CRACDL: variants seen among roughly 807,000 people sequenced by gnomAD.
CRACDL encodes CRACD-like protein.
Under a neutral mutation model 70.6 loss-of-function variants are expected in CRACDL, and 26 were observed. That is an observed-to-expected ratio of 0.37 (90% CI 0.27 to 0.51). The LOEUF is 0.51. Ranked by LOEUF, CRACDL falls within the 20% of genes least tolerant of loss-of-function variation. CRACDL has a pLI of 0.94. For synonymous variants in CRACDL, 618 were observed against 615.2 expected (o/e 1.00, Z -0.07); for missense variants, 1,283 against 1,376.9 (o/e 0.93, Z 1.08).
intron 8 of CRACDL, among the ~76,000 whole-genome samples, chr2:98,796,802 T>C (rs1703841850): frequency 6.6e-6 from 1 of 152,152 alleles, no homozygotes; most frequent in South Asian, 2.1e-4. Flanking sequence ...TCGGCCTGAT[T>C]CTAGGCATAG....
intron 1 of CRACDL, among the ~76,000 whole-genome samples, chr2:98,929,603 A>C (rs1049554227): frequency 6.6e-6 from 1 of 152,086 alleles, no homozygotes; most frequent in Non-Finnish European, 1.5e-5. Context: ...ACAGACCCAC[A>C]CCTGGTCCCA....
intron 1 of CRACDL, among the ~76,000 whole-genome samples, chr2:98,900,838 G>A (rs531291169): frequency 1.5e-4 from 23 of 152,150 alleles, no homozygotes; most frequent in South Asian, 1.2e-3. Context: ...CCACAGCCTC[G>A]TTGGGCAGAG....
intron 1 of CRACDL, among the ~76,000 whole-genome samples, chr2:98,889,697 T>A (rs1253601088): frequency 6.6e-6 from 1 of 152,220 alleles, no homozygotes; most frequent in Non-Finnish European, 1.5e-5. Flanking sequence ...CATCCAGTAA[T>A]AGCAGAATTC....
At chr2:98,888,286 T>C (rs763580857) in intron 1 of CRACDL, among the ~76,000 whole-genome samples, 2 of 152,252 alleles carry the variant, frequency 1.3e-5, no homozygotes, top group Non-Finnish European at 2.9e-5. Context: ...TTTTTCCTTC[T>C]AATTTAAAAG....
At chr2:98,907,395 T>C (rs1264162679) in intron 1 of CRACDL, among the ~76,000 whole-genome samples, 1 of 152,214 alleles carries the variant, frequency 6.6e-6, no homozygotes, top group African/African-American at 2.4e-5. Flanking sequence ...CTCCCCACAA[T>C]GTCCTGGCCA....
intron 1 of CRACDL, among the ~76,000 whole-genome samples, chr2:98,900,369 G>C (rs1240468542): frequency 6.6e-6 from 1 of 150,534 alleles, no homozygotes; most frequent in Non-Finnish European, 1.5e-5. Flanking sequence ...AGGCTCAGTG[G>C]GAGGGGAGGC....
In CRACDL at chr2:98,903,179, G is replaced by A. The variant is rs536403507; in HGVS notation, c.-11+32759C>T. On this transcript the variant is annotated intron_variant, in intron 1 of 9. Transcript: ENST00000397899. ...GGAGAGCTCACTTCTCCGAGCCCCG[G>A]GGCTTCACATGAACTGGCAGATTCA... is the stretch of plus-strand genomic sequence containing the variant. Among the ~76,000 whole-genome samples the A allele has an allele frequency of 4.7e-4, 72 of 152,214 alleles. 1 individual carries two copies. The South Asian group carries it at 0.014, about 30-fold the overall frequency.
chr2:98,802,682 C>T (rs1346954521), intron 7 of CRACDL, among the ~76,000 whole-genome samples: 6 of 152,218 alleles, frequency 3.9e-5, no homozygotes, highest in Non-Finnish European at 8.8e-5. Flanking sequence ...AGGACTTCTG[C>T]TATGACGAGT....
intron 1 of CRACDL, among the ~76,000 whole-genome samples, chr2:98,868,669 CATA>C (rs1418714845): frequency 6.6e-6 from 1 of 152,118 alleles, no homozygotes; most frequent in Non-Finnish European, 1.5e-5. Context: ...TAGGTAGTGG[CATA>C]ATTACAACAT....
intron 7 of CRACDL, among the ~76,000 whole-genome samples, chr2:98,797,842 A>C (rs956277342): frequency 2.0e-5 from 3 of 152,050 alleles, no homozygotes; most frequent in Non-Finnish European, 4.4e-5. Flanking sequence ...AAATAGATAA[A>C]ATTTCTTTAA....
In CRACDL at chr2:98,822,112, C is replaced by G; in HGVS notation, c.2161G>C (p.Val721Leu). 6.3e-7 allele frequency: 1 copy of G among 1,579,340 alleles called. No individual in the cohort carries two copies. Among genetic ancestry groups the G allele is most frequent in the Non-Finnish European group, 8.6e-7 (1 of 1,162,580 alleles). ...GGACACTTCTCCTCCTTCGGGAGCA[C>G]GGTCAGCGACCTTTCTAACCGGACC... ...AEVRLERSLT[V>L]LPKEEKCPLG... is the part of the protein sequence containing the mutation. The change falls in exon 7 of 10, where the codon GTG becomes CTG. Residue 721 changes from valine to leucine, a missense_variant. This residue lies in a region of CRACDL where 921 missense variants were observed against 881.9 expected (regional missense o/e 1.04). Coordinates refer to ENST00000397899, the MANE Select transcript of CRACDL (RefSeq NM_207362.3). The surrounding 1 kb of genome is among the most constrained non-coding windows in gnomAD (Gnocchi z 4.9).
At chr2:98,859,652 G>A (rs756231428) in intron 1 of CRACDL, among the ~76,000 whole-genome samples, 2 of 152,092 alleles carry the variant, frequency 1.3e-5, no homozygotes, top group Admixed American at 6.5e-5. Context: ...ATTGACAAAC[G>A]CTTCCTCAGC....
At chr2:98,856,043 T>C (rs1706685601) in intron 1 of CRACDL, among the ~76,000 whole-genome samples, 1 of 152,106 alleles carries the variant, frequency 6.6e-6, no homozygotes, top group Non-Finnish European at 1.5e-5. Context: ...GAGAAAAATG[T>C]AGAAAAATGA....
Position 98,923,282 on chromosome 2 carries a change from A to G in CRACDL, c.-11+12656T>C, listed in dbSNP as rs563161944. The stretch of plus-strand genomic sequence containing the variant: ...TGAGACACTGTCTCAAAAAAAAAAA[A>G]AAAAGAAAAAGAAAATTGTGATCAT... On this transcript the variant is annotated intron_variant, in intron 1 of 9. Transcript: ENST00000397899. Among the ~76,000 whole-genome samples, 8 of 152,162 alleles carry G rather than the reference A, an allele frequency of 5.3e-5. No individual in the cohort carries two copies. In the East Asian group the frequency reaches 1.2e-3, roughly 22 times the overall value.
chr2:98,916,569 A>T (rs1282158725), intron 1 of CRACDL, among the ~76,000 whole-genome samples: 3 of 152,184 alleles, frequency 2.0e-5, no homozygotes, highest in Non-Finnish European at 4.4e-5. Context: ...TAATTCTATC[A>T]CAGCTAACCA....
At chr2:98,810,300 T>A (rs1331205488) in intron 7 of CRACDL, among the ~76,000 whole-genome samples, 1 of 152,046 alleles carries the variant, frequency 6.6e-6, no homozygotes. Flanking sequence ...GCAGACAAAC[T>A]TAGAGAGGCA....
intron 1 of CRACDL, among the ~76,000 whole-genome samples, chr2:98,868,490 C>G (rs1173738990): frequency 6.6e-6 from 1 of 152,212 alleles, no homozygotes; most frequent in East Asian, 1.9e-4. Flanking sequence ...CCACGGTGCA[C>G]AGAGTCAAAA....
intron 1 of CRACDL, among the ~76,000 whole-genome samples, chr2:98,909,230 C>G (rs573122733): frequency 2.0e-5 from 3 of 152,316 alleles, no homozygotes; most frequent in African/African-American, 7.2e-5. Context: ...ATAGCAACAG[C>G]AGATTCTTAA....
intron 1 of CRACDL, among the ~76,000 whole-genome samples, chr2:98,864,736 G>T (rs188086334): frequency 6.6e-6 from 1 of 151,986 alleles, no homozygotes; most frequent in Non-Finnish European, 1.5e-5. Flanking sequence ...TAGTAGAGAC[G>T]GGGTTTCACC....
Sources: gnomAD v4.1 joint callset for allele counts (sites outside exome capture counted in the v4.1 genomes callset) on GRCh38, gnomAD v4.1.1 for gene constraint, gnomAD v4.1.1 regional missense constraint, Gnocchi (gnomAD v3.1) non-coding constraint, MANE v1.5 for transcripts, NCBI Gene and HGNC (gene_info 2026-07-23, HGNC 2026-07-21) for gene names.